Variants in PTPRK observed in about 807,000 individuals in gnomAD.
PTPRK encodes protein tyrosine phosphatase receptor type K.
Under a neutral mutation model 178.0 loss-of-function variants are expected in PTPRK, and 75 were observed. The ratio of observed to expected loss-of-function variants is 0.42; its 90% CI spans 0.35 to 0.51. The LOEUF (loss-of-function observed/expected upper bound fraction) is 0.51. Among genes scored for constraint, PTPRK ranks in the 20% least tolerant of loss-of-function variants. PTPRK has a pLI of 0.02. For missense variants in PTPRK, 1,441 were observed against 1,797.8 expected, an observed-to-expected ratio of 0.80 and a Z score of 3.59; for synonymous variants, 637 against 620.6, an observed-to-expected ratio of 1.03 and a Z score of -0.39.
At chr6:128,330,895 CAAAACAAAAA>C in intron 2 of PTPRK, among the ~76,000 whole-genome samples, 3 of 151,202 alleles carry the variant, frequency 2.0e-5, no homozygotes, top group Non-Finnish European at 4.4e-5. Flanking sequence ...CAAAACAAAA[CAAAACAAAAA>C]AACACCTAAG....
At chr6:128,223,311 C>T (rs1220742035) in intron 5 of PTPRK, among the ~76,000 whole-genome samples, 1 of 151,770 alleles carries the variant, frequency 6.6e-6, no homozygotes. Context: ...ATAAAATACA[C>T]ATTAATCATC....
At position 128,397,591 on chromosome 6, in the gene PTPRK, A is replaced by G. The variant is rs753479976; in HGVS notation, c.198T>C (p.His66=). 1 of 1,614,052 alleles carries G rather than the reference A, an allele frequency of 6.2e-7. No individual in the cohort carries two copies. The highest frequency in any genetic ancestry group is 1.7e-5 in the Admixed American group (1 of 60,012). ...EWVHVSAQEP[H]YLPPEMPQGS... is the part of the protein sequence containing the mutation. Reference sequence around the variant, plus strand: ...CTTGGGGCATCTCGGGTGGTAGATAATGAGGCTCTTGAGCACTAACATGCA... The same window carrying G: ...CTTGGGGCATCTCGGGTGGTAGATAGTGAGGCTCTTGAGCACTAACATGCA... Residue 66 remains histidine (H), a synonymous_variant, in exon 2 of 30, where the codon CAT becomes CAC. Transcript: ENST00000368226.
chr6:127,996,958 C>G lies in PTPRK; in HGVS notation c.2710G>C (p.Asp904His). 1 of 1,611,820 alleles carries G rather than the reference C, an allele frequency of 6.2e-7. No homozygotes were observed. Among genetic ancestry groups the G allele is most frequent in the Non-Finnish European group, 8.5e-7 (1 of 1,178,846 alleles). Residue 904 changes from aspartate (D) to histidine (H), a missense_variant, in exon 17 of 30, where the codon GAT becomes CAT. Asp to His is a moderately conservative substitution (Grantham distance 81). Transcript: ENST00000368226. Reference protein sequence around the residue: ...SFFEGQSASWDVAKKDQNRAK... With the variant: ...SFFEGQSASWHVAKKDQNRAK... ...CTATTTTGATCTTTTTTAGCTACATCCCAAGATGCTGACTGTCCTTCAAAA... is the reference window on the plus strand; with the variant it reads ...CTATTTTGATCTTTTTTAGCTACATGCCAAGATGCTGACTGTCCTTCAAAA...
chr6:127,976,811 A>G (rs767487071), intron 26 of PTPRK, 29 bp from the exon 27 acceptor site: 2 of 1,610,570 alleles, frequency 1.2e-6, no homozygotes, highest in Non-Finnish European at 8.5e-7. Context: ...GAAAGAAAAA[A>G]AAAAAGAGTA....
At chr6:128,458,230 G>A (rs2128410499) in intron 1 of PTPRK, among the ~76,000 whole-genome samples, 1 of 152,190 alleles carries the variant, frequency 6.6e-6, no homozygotes, top group East Asian at 1.9e-4. Flanking sequence ...CAGGAAATAT[G>A]TAAATGTTTT....
chr6:128,326,478 T>C (rs1194774661), intron 2 of PTPRK, among the ~76,000 whole-genome samples: 2 of 152,198 alleles, frequency 1.3e-5, no homozygotes, highest in Admixed American at 6.6e-5. Context: ...AATCAGTAAT[T>C]TGCAAAATTA....
chr6:128,080,231 C>T (rs769889717), intron 10 of PTPRK, among the ~76,000 whole-genome samples: 9 of 151,968 alleles, frequency 5.9e-5, no homozygotes, highest in Non-Finnish European at 1.3e-4. Flanking sequence ...AGCTATAAGC[C>T]GTTGGCTGTG....
intron 7 of PTPRK, among the ~76,000 whole-genome samples, chr6:128,162,204 CT>C (rs1020249843): frequency 9.9e-5 from 15 of 151,482 alleles, no homozygotes; most frequent in African/African-American, 2.9e-4. Context: ...GCAGATGAAC[CT>C]TTTTTTATAT....
chr6:128,060,978 G>C (rs187588553), intron 13 of PTPRK, among the ~76,000 whole-genome samples: 2 of 152,072 alleles, frequency 1.3e-5, no homozygotes, highest in East Asian at 3.9e-4. Context: ...TCTACCTTAC[G>C]TTTTGTTCAA....
intron 7 of PTPRK, among the ~76,000 whole-genome samples, chr6:128,180,609 C>T (rs1801754878): frequency 6.6e-6 from 1 of 151,992 alleles, no homozygotes; most frequent in Admixed American, 6.6e-5. Flanking sequence ...AACAAACAAA[C>T]AAAAAGCTTT....
chr6:128,027,136 C>T (rs1168889224), intron 13 of PTPRK, among the ~76,000 whole-genome samples: 1 of 152,162 alleles, frequency 6.6e-6, no homozygotes, highest in Non-Finnish European at 1.5e-5. Context: ...CACACTTTCA[C>T]AGGCAAGAGA....
At chr6:128,365,683 ATCAGCCTTGTCTTTGT>A (rs1458864321) in intron 2 of PTPRK, among the ~76,000 whole-genome samples, 1 of 152,104 alleles carries the variant, frequency 6.6e-6, no homozygotes, top group African/African-American at 2.4e-5. Flanking sequence ...TGTTATCAAT[ATCAGCCTTGTCTTTGT>A]ACTTTTAGAA....
chr6:128,152,079 G>A (rs1797330302), intron 7 of PTPRK, among the ~76,000 whole-genome samples: 1 of 152,026 alleles, frequency 6.6e-6, no homozygotes, highest in Non-Finnish European at 1.5e-5. Context: ...GGCATAGGAT[G>A]TAAGTGCCAC....
intron 7 of PTPRK, among the ~76,000 whole-genome samples, chr6:128,169,815 GTGTGTA>G (rs1799979300): frequency 6.7e-6 from 1 of 149,422 alleles, no homozygotes; most frequent in South Asian, 2.1e-4. Flanking sequence ...GTGTGTGTGT[GTGTGTA>G]TTATTTTAAG....
chr6:128,230,114 G>A (rs1562831584), intron 5 of PTPRK, among the ~76,000 whole-genome samples: 2 of 152,180 alleles, frequency 1.3e-5, no homozygotes, highest in Non-Finnish European at 2.9e-5. Context: ...ACCACCTATG[G>A]TGTTGCCAAA....
At chr6:128,135,078 T>TTA (rs1554309214) in intron 7 of PTPRK, among the ~76,000 whole-genome samples, 1 of 136,276 alleles carries the variant, frequency 7.3e-6, no homozygotes, top group African/African-American at 2.8e-5. Flanking sequence ...AATCATTCAA[T>TTA]CACACACACA....
chr6:128,366,765 CT>C (rs1356783346), intron 2 of PTPRK, among the ~76,000 whole-genome samples: 1 of 152,126 alleles, frequency 6.6e-6, no homozygotes, highest in Non-Finnish European at 1.5e-5. Context: ...ATAAAACCAA[CT>C]GTGTGGGTTC....
chr6:128,349,819 C>T (rs9372888), intron 2 of PTPRK, among the ~76,000 whole-genome samples: 113,099 of 151,846 alleles, frequency 0.74, 43,852 homozygotes, highest in East Asian at 0.99. Flanking sequence ...GGGATTTGGG[C>T]AAGGTTGCCA....
chr6:128,083,659 T>C lies in PTPRK; in HGVS notation c.1575+56A>G, dbSNP rs577903883. The C allele has an allele frequency of 1.2e-3, 1,311 of 1,057,800 alleles. 4 individuals carry two copies. The highest frequency in any genetic ancestry group is 4.7e-3 in the Middle Eastern group (22 of 4,670). The allele number at this position is 1,057,800 out of a possible 1,614,324, so 65.5% of individuals were successfully genotyped here. On this transcript the variant is annotated intron_variant, in intron 9 of 29. Coordinates refer to ENST00000368226, the MANE Select transcript of PTPRK (RefSeq NM_002844.4). ...TATTTCCCTCTAACTTTTCCTTTCT[T>C]CTTCCTTTTAGTCCTTCAATCCACA...
Sources: allele counts gnomAD v4.1 joint callset (sites outside exome capture counted in the v4.1 genomes callset), GRCh38; gene constraint gnomAD v4.1.1; transcripts MANE v1.5; gene names NCBI Gene and HGNC (gene_info 2026-07-23, HGNC 2026-07-21).